OPRM1: variants seen among roughly 807,000 people sequenced by gnomAD.
OPRM1 encodes the protein opioid receptor mu 1.
In OPRM1, 27 loss-of-function variants were observed where a neutral mutation model predicts 31.8. That is an observed-to-expected ratio of 0.85 (90% CI 0.63 to 1.17). OPRM1 has a LOEUF of 1.17. Among genes scored for constraint, OPRM1 ranks in the 50% most tolerant of loss-of-function variants. The pLI, the probability that OPRM1 is intolerant of heterozygous loss-of-function variation, is 0.00. For synonymous variants in OPRM1, 196 were observed against 189.9 expected (o/e 1.03, Z -0.26); for missense variants, 536 against 511.1 (o/e 1.05, Z -0.47).
In OPRM1 at chr6:154,246,433, T is replaced by A. The variant is rs1055579472; in HGVS notation, c.1165-260T>A. On this transcript the variant is annotated intron_variant, in intron 3 of 3. Coordinates refer to the OPRM1 transcript ENST00000337049. ...ATAAAACACAGAAGCATAACCTACA[T>A]ATCTACTGCACCAGAAATGGCTTCT... 2.0e-5 allele frequency among the ~76,000 whole-genome samples: 3 copies of A among 152,338 alleles called. No homozygotes were observed. The East Asian group carries it at 5.8e-4, about 29-fold the overall frequency.
At chr6:154,105,454 C>A (rs1795438232) in intron 3 of OPRM1, among the ~76,000 whole-genome samples, 1 of 152,130 alleles carries the variant, frequency 6.6e-6, no homozygotes, top group Admixed American at 6.5e-5. Context: ...AAGTTGTTTC[C>A]TCTATTCTAA....
At chr6:154,196,028 G>A (rs1428248692) in intron 3 of OPRM1, among the ~76,000 whole-genome samples, 1 of 152,038 alleles carries the variant, frequency 6.6e-6, no homozygotes, top group East Asian at 1.9e-4. Context: ...CTGACCTCGT[G>A]ATCCGCCTAC....
intron 3 of OPRM1, among the ~76,000 whole-genome samples, chr6:154,150,907 G>A (rs549059804): frequency 6.6e-6 from 1 of 152,316 alleles, no homozygotes; most frequent in South Asian, 2.1e-4. Context: ...GCTTTAAATT[G>A]TTAATAGACC....
intron 3 of OPRM1, chr6:154,199,959 T>C: frequency 6.2e-7 from 1 of 1,614,206 alleles, no homozygotes; most frequent in Non-Finnish European, 8.5e-7. Flanking sequence ...CTGCTGGGTG[T>C]CTTCACTGTA....
At chr6:154,041,477 G>T (rs1562389337) in intron 1 of OPRM1, among the ~76,000 whole-genome samples, 1 of 152,058 alleles carries the variant, frequency 6.6e-6, no homozygotes, top group Non-Finnish European at 1.5e-5. Context: ...TTTTCTAAAA[G>T]AAATTCATAG....
In OPRM1 at chr6:154,107,379, G is replaced by C. The variant is rs983415210; in HGVS notation, c.1165-11304G>C. On this transcript the variant is annotated intron_variant, in intron 3 of 3. Transcript: ENST00000330432. ...AAAGGCAACCTCCTTGGTGCTTAGA[G>C]AAAGGAAAATTTCAGACAGTCCGCA... The C allele has an allele frequency of 1.6e-5, 11 of 681,864 alleles. No individual in the cohort carries two copies. In the African/African-American group the frequency reaches 2.0e-4, roughly 12 times the overall value. The allele number at this position is 681,864 out of a possible 1,614,324, so 42.2% of individuals were successfully genotyped here. A position where few individuals can be genotyped will look rare whatever the true frequency, so the allele number is the denominator to read the frequency against.
intron 1 of OPRM1, among the ~76,000 whole-genome samples, chr6:154,080,486 C>T (rs1788844031): frequency 6.6e-6 from 1 of 152,238 alleles, no homozygotes; most frequent in Non-Finnish European, 1.5e-5. Context: ...AGATTGGCTT[C>T]TACCTCTGAC....
intron 3 of OPRM1, among the ~76,000 whole-genome samples, chr6:154,228,036 A>G (rs1219395992): frequency 6.6e-6 from 1 of 152,126 alleles, no homozygotes; most frequent in Non-Finnish European, 1.5e-5. Context: ...AAATCTTGAG[A>G]GAATGACAGT....
chr6:154,037,800 CCAAACT>C (rs989795623), upstream of OPRM1, among the ~76,000 whole-genome samples: 1 of 152,022 alleles, frequency 6.6e-6, no homozygotes, highest in Non-Finnish European at 1.5e-5. Flanking sequence ...AGTAACATGT[CCAAACT>C]CATACAGCTA....
chr6:154,039,513 C>T lies in OPRM1; in HGVS notation c.-32C>T, dbSNP rs1192472956. 2.5e-6 allele frequency: 4 copies of T among 1,589,384 alleles called. No homozygotes were observed. The highest frequency in any genetic ancestry group is 2.3e-5 in the South Asian group (2 of 87,598). ...AAAGTCTCGGTGCTCCTGGCTACCTCGCACAGCGGTGCCCGCCCGGCCGTC... is the reference window on the plus strand; with the variant it reads ...AAAGTCTCGGTGCTCCTGGCTACCTTGCACAGCGGTGCCCGCCCGGCCGTC... On this transcript the variant is annotated 5_prime_UTR_variant, in exon 1 of 4. Coordinates refer to ENST00000330432, the MANE Select transcript of OPRM1 (RefSeq NM_000914.5).
chr6:154,057,150 AT>A (rs1442487019), intron 1 of OPRM1, among the ~76,000 whole-genome samples: 8 of 152,204 alleles, frequency 5.3e-5, no homozygotes, highest in African/African-American at 1.9e-4. Flanking sequence ...TTTGAGTCTC[AT>A]AACATTTTTG....
chr6:154,206,304 T>C (rs745309225), intron 3 of OPRM1, among the ~76,000 whole-genome samples: 4 of 152,262 alleles, frequency 2.6e-5, no homozygotes, highest in Middle Eastern at 3.2e-3. Flanking sequence ...GAAATCATTC[T>C]TCTCAAAGCC....
intron 3 of OPRM1, chr6:154,199,519 A>G (rs1455564994): frequency 4.3e-6 from 4 of 927,500 alleles, no homozygotes; most frequent in Non-Finnish European, 4.7e-6. Flanking sequence ...AAACTCCTCT[A>G]CAAAGCAACC....
chr6:154,039,165 G>A (rs1178178686), upstream of OPRM1: 2 of 1,551,402 alleles, frequency 1.3e-6, no homozygotes, highest in Admixed American at 3.9e-5. Flanking sequence ...CTTTAGATGT[G>A]TTTGCACAGA....
chr6:154,088,349 C>A (rs1791162671), intron 1 of OPRM1, among the ~76,000 whole-genome samples: 1 of 152,096 alleles, frequency 6.6e-6, no homozygotes, highest in African/African-American at 2.4e-5. Flanking sequence ...GAGGGGCAAA[C>A]AGGAAAGATT....
intron 3 of OPRM1, among the ~76,000 whole-genome samples, chr6:154,215,729 G>A (rs1277370324): frequency 6.6e-6 from 1 of 152,114 alleles, no homozygotes; most frequent in Non-Finnish European, 1.5e-5. Flanking sequence ...AAACTCCTTA[G>A]TAGCCACTTA....
intron 3 of OPRM1, among the ~76,000 whole-genome samples, chr6:154,191,986 C>A (rs532788920): frequency 2.6e-5 from 4 of 152,022 alleles, no homozygotes; most frequent in African/African-American, 9.6e-5. Flanking sequence ...AAAGTGTTCA[C>A]CAATAGTAGA....
At chr6:154,199,520 C>T (rs1174162738) in intron 3 of OPRM1, 1 of 936,936 alleles carries the variant, frequency 1.1e-6, no homozygotes, top group Non-Finnish European at 1.5e-6. Context: ...AACTCCTCTA[C>T]AAAGCAACCT....
chr6:154,172,369 G>A (rs1203520666), intron 3 of OPRM1, among the ~76,000 whole-genome samples: 1 of 152,182 alleles, frequency 6.6e-6, no homozygotes, highest in Non-Finnish European at 1.5e-5. Context: ...GGGGTCGGGG[G>A]ATTTCCCTTT....
Sources: gnomAD v4.1 joint callset for allele counts (sites outside exome capture counted in the v4.1 genomes callset) on GRCh38, gnomAD v4.1.1 for gene constraint, MANE v1.5 for transcripts, NCBI Gene and HGNC (gene_info 2026-07-23, HGNC 2026-07-21) for gene names.